The following BACH1 variants were observed in gnomAD, a reference collection of about 807,000 sequenced individuals.
BACH1 encodes the protein BTB domain and CNC homolog 1.
Under a neutral mutation model 52.9 loss-of-function variants are expected in BACH1, and 35 were observed. That is an observed-to-expected ratio of 0.66 (90% confidence interval 0.51 to 0.88). The LOEUF is 0.88. Among genes scored for constraint, BACH1 ranks in the 40% least tolerant of loss-of-function variants. The probability of loss-of-function intolerance (pLI) is 0.00; values close to 1 mark genes in which losing one functional copy is unlikely to be tolerated. For missense variants in BACH1, 808 were observed against 872.6 expected, an observed-to-expected ratio of 0.93 and a Z score of 0.93; for synonymous variants, 321 against 319.6, an observed-to-expected ratio of 1.00 and a Z score of -0.05.
At chr21:29,306,987 A>G (rs772442171) in intron 1 of BACH1, among the ~76,000 whole-genome samples, 1 of 152,218 alleles carries the variant, frequency 6.6e-6, no homozygotes, top group Non-Finnish European at 1.5e-5. Flanking sequence ...AGAGGAGAAC[A>G]TATAATTATA....
chr21:29,339,728 G>C (rs1304731300), intron 4 of BACH1, among the ~76,000 whole-genome samples: 1 of 150,230 alleles, frequency 6.7e-6, no homozygotes, highest in Non-Finnish European at 1.5e-5. Context: ...CGTCTCCCAG[G>C]CTCAAGTGAT....
rs987180229 is a variant in BACH1 at position 29,351,920 on chromosome 21, G to A, written c.472+22227G>A. 3.0e-5 allele frequency: 11 copies of A among 363,210 alleles called. No individual in the cohort carries two copies. The Admixed American group carries it at 3.9e-4, about 13-fold the overall frequency. The allele number at this position is 363,210 out of a possible 1,614,324, so 22.5% of individuals were successfully genotyped here. A position where few individuals can be genotyped will look rare whatever the true frequency, so the allele number is the denominator to read the frequency against. On this transcript the variant is annotated intron_variant, in intron 2 of 4. Transcript: ENST00000422809. ...ATACTTAAAATAGGTTGAGTATGAAGTATGCACTTAAGGACTAAAAGAATT... is the reference window on the plus strand; with the variant it reads ...ATACTTAAAATAGGTTGAGTATGAAATATGCACTTAAGGACTAAAAGAATT...
intron 1 of BACH1, among the ~76,000 whole-genome samples, chr21:29,316,310 TCAG>T (rs2088786184): frequency 6.6e-6 from 1 of 152,226 alleles, no homozygotes; most frequent in Non-Finnish European, 1.5e-5. Context: ...TTATGTGCAT[TCAG>T]CAGAGAGCAG....
intron 2 of BACH1, 81 bp downstream of exon 2, chr21:29,321,595 A>G: frequency 7.7e-7 from 1 of 1,302,084 alleles, no homozygotes; most frequent in Non-Finnish European, 1.1e-6. Flanking sequence ...AATAAAGCAC[A>G]GTCTCCTTGT....
At position 29,342,886 on chromosome 21, in the gene BACH1, C is replaced by T. The variant is rs2089132050; in HGVS notation, c.*53C>T. ...TAATTTTCTCCTGAAGTTTTGGCAG[C>T]GTCTTGAAAGCCTAATATGACCATC... On this transcript the variant is annotated 3_prime_UTR_variant, in exon 5 of 5. Transcript: ENST00000286800. 5.3e-6 allele frequency: 8 copies of T among 1,506,708 alleles called. No individual in the cohort carries two copies. The East Asian group carries it at 6.9e-5, about 13-fold the overall frequency. The allele number at this position is 1,506,708 out of a possible 1,614,324, so 93.3% of individuals were successfully genotyped here.
rs771637682 is a variant in BACH1, at chr21:29,327,022, G to A, written c.1198G>A (p.Gly400Ser). 9.3e-6 allele frequency: 15 copies of A among 1,614,192 alleles called. No homozygotes were observed. In the South Asian group the frequency reaches 1.4e-4, roughly 15 times the overall value. ...AGAAGTGGCAGAACACCTAGCAAAAGGCTTCTGGAGTGACATTTGCAGCAC... is the reference window on the plus strand; with the variant it reads ...AGAAGTGGCAGAACACCTAGCAAAAAGCTTCTGGAGTGACATTTGCAGCAC... The part of the protein sequence containing the change: ...EREVAEHLAK[G>S]FWSDICSTDT... The change falls in exon 3 of 5, where the codon GGC (glycine) becomes AGC (serine). Residue 400 changes from glycine to serine, a missense_variant. Transcript: ENST00000286800.
intron 1 of BACH1, among the ~76,000 whole-genome samples, chr21:29,308,615 A>G (rs983807405): frequency 6.6e-6 from 1 of 152,130 alleles, no homozygotes; most frequent in Non-Finnish European, 1.5e-5. Context: ...TATGCATACT[A>G]TGTGTGTCAA....
chr21:29,326,300 T>A lies in BACH1; in HGVS notation c.476T>A (p.Leu159His). The change falls in exon 3 of 5, where the codon CTT (leucine) becomes CAT (histidine). Residue 159 changes from leucine (L) to histidine (H), a missense_variant. Physicochemically the swap from Leu to His is moderately conservative, Grantham distance 99. Transcript: ENST00000286800. ...CAGAAAACAGACCTTAAACTTTCAC[T>A]TTTGGACCAGAGGGATCTAGAAACT... is the stretch of plus-strand genomic sequence containing the variant. ...HCQKTDLKLS[L>H]LDQRDLETDE... 6.2e-7 allele frequency: 1 copy of A among 1,614,198 alleles called. No individual in the cohort carries two copies. The highest frequency in any genetic ancestry group is 8.5e-7 in the Non-Finnish European group (1 of 1,180,032).
intron 1 of BACH1, among the ~76,000 whole-genome samples, chr21:29,317,743 A>G (rs2088804899): frequency 6.6e-6 from 1 of 152,220 alleles, no homozygotes; most frequent in Non-Finnish European, 1.5e-5. Flanking sequence ...GCTTTTGTTA[A>G]TATTATCACC....
At chr21:29,358,817 G>GAAAGAAAGAAAGAAA (rs2089254403) in intron 2 of BACH1, among the ~76,000 whole-genome samples, 1 of 123,160 alleles carries the variant, frequency 8.1e-6, no homozygotes, top group South Asian at 2.6e-4. Context: ...AAAGAAAGAA[G>GAAAGAAAGAAAGAAA]AAAGAAAGAA....
At chr21:29,316,762 A>G (rs1404310404) in intron 1 of BACH1, among the ~76,000 whole-genome samples, 2 of 152,200 alleles carry the variant, frequency 1.3e-5, no homozygotes, top group African/African-American at 2.4e-5. Context: ...TGTAGGTCAT[A>G]TATATTGGCC....
At chr21:29,334,224 A>G (rs1269189874) in intron 4 of BACH1, among the ~76,000 whole-genome samples, 1 of 151,748 alleles carries the variant, frequency 6.6e-6, no homozygotes, top group African/African-American at 2.4e-5. Context: ...CGGCCTCCCG[A>G]GTAGCTGGGA....
In BACH1 at chr21:29,327,018, A is replaced by C; in HGVS notation, c.1194A>C (p.Ala398=). 1 of 1,614,204 alleles carries C rather than the reference A, an allele frequency of 6.2e-7. No individual in the cohort carries two copies. Among genetic ancestry groups the C allele is most frequent in the East Asian group, 2.2e-5 (1 of 44,888 alleles). The change falls in exon 3 of 5, where the codon GCA becomes GCC. Residue 398 remains alanine (A), a synonymous_variant. Transcript: ENST00000286800. Reference sequence around the variant, plus strand: ...AGCGAGAAGTGGCAGAACACCTAGCAAAAGGCTTCTGGAGTGACATTTGCA... The same window carrying C: ...AGCGAGAAGTGGCAGAACACCTAGCCAAAGGCTTCTGGAGTGACATTTGCA... ...SVEREVAEHL[A]KGFWSDICST... is the part of the protein sequence containing the mutation.
intron 2 of BACH1, among the ~76,000 whole-genome samples, chr21:29,322,345 C>T (rs541379716): frequency 1.3e-5 from 2 of 152,264 alleles, no homozygotes; most frequent in East Asian, 3.9e-4. Flanking sequence ...TTGACTTAGT[C>T]TTTATGTATT....
intron 1 of BACH1, among the ~76,000 whole-genome samples, chr21:29,315,205 T>G (rs1257341085): frequency 1.3e-5 from 2 of 152,050 alleles, no homozygotes; most frequent in Non-Finnish European, 2.9e-5. Context: ...ACTTGAAAAA[T>G]TGAATGTAAG....
At position 29,345,406 on chromosome 21, in the gene BACH1, A is replaced by T. The variant is rs1338239463; in HGVS notation, c.*2573A>T. ...TTCAGTTTGTATATTGCATATTCAC[A>T]TGATCATTGTTCACTATTTTATGAA... On this transcript the variant is annotated 3_prime_UTR_variant, in exon 5 of 5. Coordinates refer to ENST00000286800, the MANE Select transcript of BACH1 (RefSeq NM_001186.4). 1 of 152,206 alleles carries T rather than the reference A, an allele frequency of 6.6e-6. No individual in the cohort carries two copies. Among genetic ancestry groups the T allele is most frequent in the Non-Finnish European group, 1.5e-5 (1 of 68,012 alleles). 9.4% of individuals were successfully genotyped at this position (152,206 alleles called of 1,614,324 possible).
chr21:29,332,955 T>G (rs994329484), intron 4 of BACH1, among the ~76,000 whole-genome samples: 1 of 152,140 alleles, frequency 6.6e-6, no homozygotes, highest in Non-Finnish European at 1.5e-5. Flanking sequence ...CCAGAGAAGT[T>G]GTGTTGGAAT....
intron 3 of BACH1, 44 bp downstream of exon 3, chr21:29,327,437 AATT>A: frequency 6.4e-7 from 1 of 1,570,876 alleles, no homozygotes; most frequent in African/African-American, 1.4e-5. Flanking sequence ...AATAACCATT[AATT>A]GGGATTTACT....
intron 1 of BACH1, among the ~76,000 whole-genome samples, chr21:29,309,257 CAA>C (rs3054257): frequency 6.2e-4 from 57 of 91,772 alleles, no homozygotes; most frequent in African/African-American, 1.1e-3. Flanking sequence ...GACTCTGTCT[CAA>C]AAAAAAAAAA....
Sources: gnomAD v4.1 joint callset for allele counts (sites outside exome capture counted in the v4.1 genomes callset) on GRCh38, gnomAD v4.1.1 for gene constraint, MANE v1.5 for transcripts, NCBI Gene and HGNC (gene_info 2026-07-23, HGNC 2026-07-21) for gene names.